The following RHOBTB2 variants were observed in gnomAD, a reference collection of about 807,000 sequenced individuals.
RHOBTB2 encodes the protein Rho related BTB domain containing 2.
In RHOBTB2, 39 loss-of-function variants were observed where a neutral mutation model predicts 66.5. The observed-to-expected ratio is 0.59, with a 90% CI of 0.45 to 0.77. The LOEUF is 0.77. Ranked by LOEUF, RHOBTB2 falls within the 30% of genes least tolerant of loss-of-function variation. RHOBTB2 has a pLI of 0.00. For synonymous variants in RHOBTB2, 390 were observed against 395.0 expected (o/e 0.99, Z 0.15); for missense variants, 755 against 999.1 (o/e 0.76, Z 3.29).
intron 1 of RHOBTB2, chr8:22,987,655 C>T (rs1351277504): frequency 1.3e-5 from 2 of 152,386 alleles, no homozygotes; most frequent in African/African-American, 4.8e-5. Context: ...TTCACCTGGT[C>T]ACTCACAGCA....
At chr8:22,997,026 C>T (rs985773274), upstream of RHOBTB2, among the ~76,000 whole-genome samples, 7 of 152,084 alleles carry the variant, frequency 4.6e-5, no homozygotes, top group Non-Finnish European at 7.4e-5. Context: ...GGGCACAGGC[C>T]GGCGGCTGCA....
intron 1 of RHOBTB2, among the ~76,000 whole-genome samples, chr8:22,987,869 G>A (rs905974288): frequency 6.6e-6 from 1 of 152,166 alleles, no homozygotes; most frequent in Admixed American, 6.5e-5. Flanking sequence ...GGTGTCCAGG[G>A]GGAGTGTCAC....
the RHOBTB2 span, among the ~76,000 whole-genome samples, chr8:22,960,510 G>T: frequency 2.0e-5 from 3 of 151,970 alleles, no homozygotes; most frequent in African/African-American, 7.3e-5. Context: ...GTAGAGGTGG[G>T]GTTTCACCAT....
At position 23,017,782 on chromosome 8, in the gene RHOBTB2, G is replaced by T. The variant is rs1409469643; in HGVS notation, c.*313G>T. On this transcript the variant is annotated 3_prime_UTR_variant, in exon 10 of 10. Coordinates refer to ENST00000251822, the MANE Select transcript of RHOBTB2 (RefSeq NM_015178.3). This position sits in a 1 kb window ranked among gnomAD's most constrained non-coding sequence, Gnocchi z 5.3. ...CTAGAGTCAAAGGGAAAGCCTCCCA[G>T]CCTCCAGGGCTTCTCTGTGTGTCTT... 2.9e-6 allele frequency: 1 copy of T among 345,276 alleles called. No individual in the cohort carries two copies. The highest frequency in any genetic ancestry group is 5.5e-6 in the Non-Finnish European group (1 of 182,974). The allele number at this position is 345,276 out of a possible 1,614,324, so 21.4% of individuals were successfully genotyped here. A position where few individuals can be genotyped will look rare whatever the true frequency, so the allele number is the denominator to read the frequency against.
intron 2 of RHOBTB2, chr8:22,994,451 G>A (rs892266928): frequency 1.6e-6 from 1 of 641,048 alleles, no homozygotes. Context: ...TCCTGAGTAG[G>A]GCCCTCTATC....
rs1406479717 is a variant in RHOBTB2 at position 23,010,391 on chromosome 8, C to T, written c.1621-147C>T. ...AGGGGTCAGGTGTTCTCAGGGTCTT[C>T]TCAGCAGATACACATGCAGCACAGG... On this transcript the variant is annotated intron_variant, in intron 6 of 9. Coordinates refer to ENST00000251822, the MANE Select transcript of RHOBTB2 (RefSeq NM_015178.3). 6.8e-6 allele frequency: 6 copies of T among 886,138 alleles called. No homozygotes were observed. The African/African-American group carries it at 1.0e-4, about 15-fold the overall frequency. 54.9% of individuals were successfully genotyped at this position (886,138 alleles called of 1,614,324 possible). A position where few individuals can be genotyped will look rare whatever the true frequency, so the allele number is the denominator to read the frequency against.
At chr8:22,952,002 C>T in the RHOBTB2 span, among the ~76,000 whole-genome samples, 4 of 152,088 alleles carry the variant, frequency 2.6e-5, no homozygotes, top group Non-Finnish European at 4.4e-5. Context: ...ATTACAGGAG[C>T]GAGCCACCAT....
the RHOBTB2 span, among the ~76,000 whole-genome samples, chr8:22,952,139 G>C: frequency 6.6e-6 from 1 of 152,052 alleles, no homozygotes; most frequent in Non-Finnish European, 1.5e-5. Flanking sequence ...TAGCCAGAAC[G>C]CTGACCCACT....
intron 1 of RHOBTB2, among the ~76,000 whole-genome samples, chr8:22,989,071 G>C (rs1810359352): frequency 6.6e-6 from 1 of 152,194 alleles, no homozygotes; most frequent in African/African-American, 2.4e-5. Flanking sequence ...CAGTTCCTCT[G>C]ATGGCCATCT....
Position 23,006,218 on chromosome 8 carries a change from G to A in RHOBTB2, c.482+73G>A. On this transcript the variant is annotated intron_variant, in intron 4 of 9. Transcript: ENST00000251822. The surrounding 1 kb of genome is among the most constrained non-coding windows in gnomAD (Gnocchi z 6.1). ...CATGGCTCCCTGCTCAGCCCTGGGGGAATTCCACTGAGCCTCATATCTCTC... is the reference window on the plus strand; with the variant it reads ...CATGGCTCCCTGCTCAGCCCTGGGGAAATTCCACTGAGCCTCATATCTCTC... 1 of 1,293,764 alleles carries A rather than the reference G, an allele frequency of 7.7e-7. No individual in the cohort carries two copies. Among genetic ancestry groups the A allele is most frequent in the Non-Finnish European group, 1.1e-6 (1 of 926,334 alleles). 80.1% of individuals were successfully genotyped at this position (1,293,764 alleles called of 1,614,324 possible). A position where few individuals can be genotyped will look rare whatever the true frequency, so the allele number is the denominator to read the frequency against.
chr8:22,999,997 T>C lies in RHOBTB2; in HGVS notation c.-119T>C, dbSNP rs1810722982. ...CAGCAGCGCGGCGGCGCCGGCGTCG[T>C]CCCAACTTGCAGGCGCGGAGGGACC... On this transcript the variant is annotated 5_prime_UTR_variant, in exon 1 of 10. Transcript: ENST00000251822. The C allele has an allele frequency of 2.0e-6, 2 of 985,550 alleles. No homozygotes were observed. The highest frequency in any genetic ancestry group is 2.4e-6 in the Non-Finnish European group (2 of 830,028). The allele number at this position is 985,550 out of a possible 1,614,324, so 61.1% of individuals were successfully genotyped here. A position where few individuals can be genotyped will look rare whatever the true frequency, so the allele number is the denominator to read the frequency against.
At chr8:22,982,881 C>T (rs1810233370), upstream of RHOBTB2, among the ~76,000 whole-genome samples, 1 of 152,190 alleles carries the variant, frequency 6.6e-6, no homozygotes, top group Non-Finnish European at 1.5e-5. Flanking sequence ...TTCTCACAGA[C>T]AGCGCCTTCT....
In RHOBTB2 at chr8:23,014,793, G is replaced by C. The variant is rs1258271762; in HGVS notation, c.1860+15G>C. On this transcript the variant is annotated intron_variant, in intron 8 of 9. Transcript: ENST00000251822. Reference sequence around the variant, plus strand: ...AACTGGCTCAGGTATCATGGCAGGGGAGGGAATCTACAACAGTCTCAGTTC... The same window carrying C: ...AACTGGCTCAGGTATCATGGCAGGGCAGGGAATCTACAACAGTCTCAGTTC... 1 of 1,603,128 alleles carries C rather than the reference G, an allele frequency of 6.2e-7. No homozygotes were observed. Among genetic ancestry groups the C allele is most frequent in the Non-Finnish European group, 8.5e-7 (1 of 1,170,600 alleles).
Position 23,004,881 on chromosome 8 carries a change from C to T in RHOBTB2, c.192+255C>T, listed in dbSNP as rs1810901186. ...GGGACTCCATCTTTGTCTGGGGTAC[C>T]GCATTGTATGTAGTCACAGCCTTAA... is the stretch of plus-strand genomic sequence containing the variant. On this transcript the variant is annotated intron_variant, in intron 2 of 9. Transcript: ENST00000251822. This position sits in a 1 kb window ranked among gnomAD's most constrained non-coding sequence, Gnocchi z 6.4. The T allele has an allele frequency of 1.1e-5, 6 of 556,502 alleles. No homozygotes were observed. The highest frequency in any genetic ancestry group is 3.1e-5 in the East Asian group (1 of 32,210). 34.5% of individuals were successfully genotyped at this position (556,502 alleles called of 1,614,324 possible).
chr8:23,014,286 C>T (rs1434237936), intron 7 of RHOBTB2, among the ~76,000 whole-genome samples: 1 of 152,224 alleles, frequency 6.6e-6, no homozygotes, highest in East Asian at 1.9e-4. Context: ...AAACAAACAA[C>T]TAGACTTAAC....
chr8:22,978,799 A>AT, the RHOBTB2 span, among the ~76,000 whole-genome samples: 1 of 152,218 alleles, frequency 6.6e-6, no homozygotes, highest in Admixed American at 6.5e-5. Context: ...ATATAACAGT[A>AT]TATGACATGC....
Position 23,004,000 on chromosome 8 carries a change from C to T in RHOBTB2, c.-10-425C>T, listed in dbSNP as rs533345652. 2.1e-3 allele frequency: 566 copies of T among 270,548 alleles called. 13 individuals are homozygous for T. In the South Asian group the frequency reaches 0.022, roughly 10 times the overall value. The allele number at this position is 270,548 out of a possible 1,614,324, so 16.8% of individuals were successfully genotyped here. On this transcript the variant is annotated intron_variant, in intron 1 of 9. Transcript: ENST00000251822. ...CAGGCATGCTGGGAAGGGGTGGGGA[C>T]GTGGCCGACTCTGCTTCTCTCAGCT...
Position 23,004,393 on chromosome 8 carries a change from G to A in RHOBTB2, c.-10-32G>A, listed in dbSNP as rs1810883348. On this transcript the variant is annotated intron_variant, in intron 1 of 9. Transcript: ENST00000251822. This position sits in a 1 kb window ranked among gnomAD's most constrained non-coding sequence, Gnocchi z 6.4. ...GGCCCACGGCGAGCTGGCATGCCAT[G>A]CCGTCCTGACCGCCTCCCTCCTCTC... The A allele has an allele frequency of 6.3e-7, 1 of 1,595,456 alleles. No individual in the cohort carries two copies. The highest frequency in any genetic ancestry group is 1.3e-5 in the African/African-American group (1 of 74,538).
chr8:22,998,068 T>C (rs143873472), upstream of RHOBTB2, among the ~76,000 whole-genome samples: 3 of 152,204 alleles, frequency 2.0e-5, no homozygotes, highest in Non-Finnish European at 4.4e-5. Context: ...TCTGAGTAGA[T>C]TGAGAAAGGG....
Sources: gnomAD v4.1 joint callset for allele counts (sites outside exome capture counted in the v4.1 genomes callset) on GRCh38, gnomAD v4.1.1 for gene constraint, Gnocchi (gnomAD v3.1) non-coding constraint, MANE v1.5 for transcripts, NCBI Gene and HGNC (gene_info 2026-07-23, HGNC 2026-07-21) for gene names.